Variants in CDC42BPA observed in about 807,000 individuals in gnomAD.
CDC42BPA encodes CDC42 binding protein kinase alpha, also known as serine/threonine-protein kinase MRCK alpha.
CDC42BPA carries 80 observed loss-of-function variants against 223.5 expected under a neutral mutation model. The ratio of observed to expected loss-of-function variants is 0.36; its 90% CI spans 0.30 to 0.43. CDC42BPA has a LOEUF of 0.43. Ranked by LOEUF, CDC42BPA falls within the 20% of genes least tolerant of loss-of-function variation. The probability of loss-of-function intolerance (pLI) is 1.00; values close to 1 mark genes in which losing one functional copy is unlikely to be tolerated. For missense variants in CDC42BPA, 1,743 were observed against 2,099.9 expected, an observed-to-expected ratio of 0.83 and a Z score of 3.32; for synonymous variants, 694 against 718.6, an observed-to-expected ratio of 0.97 and a Z score of 0.55.
chr1:227,011,707 A>T (rs907735994), intron 34 of CDC42BPA, among the ~76,000 whole-genome samples: 40 of 152,200 alleles, frequency 2.6e-4, no homozygotes, highest in African/African-American at 8.9e-4. Flanking sequence ...TTTTTTAAAA[A>T]TGAAATAATG....
At chr1:227,200,597 A>G (rs1671595922) in intron 3 of CDC42BPA, among the ~76,000 whole-genome samples, 1 of 151,610 alleles carries the variant, frequency 6.6e-6, no homozygotes, top group Non-Finnish European at 1.5e-5. Context: ...TGAATGCACT[A>G]TAATTTATTT....
rs573410013 is a variant in CDC42BPA, at chr1:227,101,298, A to G, written c.2002-59T>C. On this transcript the variant is annotated intron_variant, in intron 14 of 36. Coordinates refer to ENST00000366766, the MANE Select transcript of CDC42BPA (RefSeq NM_001394014.1). ...ACAAGAATAATAAAATATTTAAATAACTTCTTTCTGTAATATAAATGAGTA... is the reference window on the plus strand; with the variant it reads ...ACAAGAATAATAAAATATTTAAATAGCTTCTTTCTGTAATATAAATGAGTA... 19 of 1,069,584 alleles carry G rather than the reference A, an allele frequency of 1.8e-5. No homozygotes were observed. The African/African-American group carries it at 3.0e-4, about 17-fold the overall frequency. The allele number at this position is 1,069,584 out of a possible 1,614,324, so 66.3% of individuals were successfully genotyped here.
At chr1:227,060,717 CTTTTTTTTTTTTTT>C in intron 21 of CDC42BPA, among the ~76,000 whole-genome samples, 1 of 95,464 alleles carries the variant, frequency 1.0e-5, no homozygotes, top group Admixed American at 1.3e-4. Flanking sequence ...TAAATAGGTA[CTTTTTTTTTTTTTT>C]TTTTTTTTTT....
chr1:227,248,264 CAA>C (rs1433569413), intron 2 of CDC42BPA, among the ~76,000 whole-genome samples: 1 of 151,936 alleles, frequency 6.6e-6, no homozygotes, highest in Non-Finnish European at 1.5e-5. Flanking sequence ...AGCAATTAAA[CAA>C]GAGAAAGAAT....
At chr1:227,216,255 T>A (rs558858901) in intron 2 of CDC42BPA, among the ~76,000 whole-genome samples, 1 of 152,118 alleles carries the variant, frequency 6.6e-6, no homozygotes, top group Non-Finnish European at 1.5e-5. Context: ...CACATAAAAT[T>A]TGAAGCATGG....
chr1:227,161,686 T>C (rs1407802213), intron 5 of CDC42BPA, among the ~76,000 whole-genome samples: 3 of 152,216 alleles, frequency 2.0e-5, no homozygotes, highest in Admixed American at 1.3e-4. Context: ...TAAAGTTTTA[T>C]TGAAACACAG....
intron 14 of CDC42BPA, among the ~76,000 whole-genome samples, chr1:227,109,154 G>T (rs1242016939): frequency 6.6e-6 from 1 of 152,154 alleles, no homozygotes; most frequent in African/African-American, 2.4e-5. Flanking sequence ...TTAGTGACTG[G>T]TGAGTGAACA....
At chr1:227,216,689 G>A (rs1190113484) in intron 2 of CDC42BPA, among the ~76,000 whole-genome samples, 11 of 152,288 alleles carry the variant, frequency 7.2e-5, no homozygotes. Context: ...CTCAGGTCCT[G>A]TATTTTCAAG....
At chr1:227,087,353 T>C (rs1682178575) in intron 16 of CDC42BPA, among the ~76,000 whole-genome samples, 1 of 151,994 alleles carries the variant, frequency 6.6e-6, no homozygotes, top group Admixed American at 6.6e-5. Flanking sequence ...ATGCAGAAAA[T>C]CAACTGACCA....
chr1:227,006,991 A>AC (rs1664233928), intron 34 of CDC42BPA, among the ~76,000 whole-genome samples: 1 of 137,930 alleles, frequency 7.3e-6, no homozygotes, highest in African/African-American at 2.7e-5. Flanking sequence ...AACAACAACA[A>AC]CCCCCCAGCA....
At chr1:227,206,844 T>C (rs1330417742) in intron 3 of CDC42BPA, among the ~76,000 whole-genome samples, 1 of 152,188 alleles carries the variant, frequency 6.6e-6, no homozygotes, top group East Asian at 1.9e-4. Context: ...ATAATTCTTT[T>C]AACATATTGC....
intron 2 of CDC42BPA, among the ~76,000 whole-genome samples, chr1:227,229,839 T>C (rs752452346): frequency 6.6e-6 from 1 of 152,204 alleles, no homozygotes; most frequent in Non-Finnish European, 1.5e-5. Context: ...TTTCTGGAAA[T>C]TACATGTCCT....
chr1:227,317,638 A>G lies in CDC42BPA; in HGVS notation c.-456T>C. 1 of 397,926 alleles carries G rather than the reference A, an allele frequency of 2.5e-6. No individual in the cohort carries two copies. The highest frequency in any genetic ancestry group is 1.3e-4 in the South Asian group (1 of 7,740). 24.6% of individuals were successfully genotyped at this position (397,926 alleles called of 1,614,324 possible). ...TGCATCAGCAATTCACTTCCCGGGA[A>G]GAAGAAAAACAGAAAAGGGAGGAAA... On this transcript the variant is annotated 5_prime_UTR_variant, in exon 1 of 37. Coordinates refer to ENST00000366766, the MANE Select transcript of CDC42BPA (RefSeq NM_001394014.1).
intron 12 of CDC42BPA, among the ~76,000 whole-genome samples, chr1:227,115,219 A>G (rs1296630084): frequency 1.3e-5 from 2 of 152,112 alleles, no homozygotes; most frequent in African/African-American, 2.4e-5. Flanking sequence ...AGAAAAAAAG[A>G]TAGTAGAAAC....
At chr1:227,312,445 T>C (rs1309250797) in intron 1 of CDC42BPA, among the ~76,000 whole-genome samples, 1 of 152,248 alleles carries the variant, frequency 6.6e-6, no homozygotes, top group Non-Finnish European at 1.5e-5. Context: ...TATTTGTTTT[T>C]ATATACTGCT....
chr1:227,066,122 GGCT>G (rs1185233497), intron 21 of CDC42BPA, among the ~76,000 whole-genome samples: 1 of 152,180 alleles, frequency 6.6e-6, no homozygotes, highest in Non-Finnish European at 1.5e-5. Context: ...CGGGCGTGGT[GGCT>G]CACGCCTGTA....
At chr1:227,001,299 T>G (rs568429283) in intron 35 of CDC42BPA, among the ~76,000 whole-genome samples, 1 of 152,326 alleles carries the variant, frequency 6.6e-6, no homozygotes, top group East Asian at 1.9e-4. Context: ...CCCCTTGGCA[T>G]TCCCGAGAGG....
chr1:227,217,329 C>G (rs1675033837), intron 2 of CDC42BPA, among the ~76,000 whole-genome samples: 1 of 151,840 alleles, frequency 6.6e-6, no homozygotes, highest in African/African-American at 2.4e-5. Flanking sequence ...CGCCTGTAGT[C>G]CCAGCTACTA....
At position 227,051,284 on chromosome 1, in the gene CDC42BPA, T is replaced by TA. The variant is rs1357218836; in HGVS notation, c.3009+596dup. On this transcript the variant is annotated intron_variant, in intron 22 of 36. Transcript: ENST00000366766. Reference sequence around the variant, plus strand: ...TAAGGTAGGATGGTATGGACTGAGGTACAGCATTCTTTTGACTTGTGGAAG... The same window carrying TA: ...TAAGGTAGGATGGTATGGACTGAGGTAACAGCATTCTTTTGACTTGTGGAAG... Among the ~76,000 whole-genome samples the TA allele has an allele frequency of 7.9e-5, 12 of 152,220 alleles. 1 individual carries two copies. Among genetic ancestry groups the TA allele is most frequent in the Admixed American group, 6.5e-4 (10 of 15,274 alleles).
Sources: gnomAD v4.1 joint callset for allele counts (sites outside exome capture counted in the v4.1 genomes callset) on GRCh38, gnomAD v4.1.1 for gene constraint, MANE v1.5 for transcripts, NCBI Gene and HGNC (gene_info 2026-07-23, HGNC 2026-07-21) for gene names.